Variants in BBX observed in about 807,000 individuals in gnomAD.
The protein encoded by BBX is HMG box transcription factor BBX.
BBX carries 30 observed loss-of-function variants against 100.2 expected under a neutral mutation model. The observed-to-expected ratio is 0.30, with a 90% CI of 0.22 to 0.41. The LOEUF (loss-of-function observed/expected upper bound fraction) is 0.41. Ranked by LOEUF, BBX falls within the 10% of genes least tolerant of loss-of-function variation. The pLI is 1.00. For synonymous variants in BBX, 376 were observed against 388.1 expected (o/e 0.97, Z 0.37); for missense variants, 1,023 against 1,129.8 (o/e 0.91, Z 1.35).
chr3:107,694,644 G>T lies in BBX; in HGVS notation c.-9-15808G>T, dbSNP rs868228862. On this transcript the variant is annotated intron_variant, in intron 3 of 17. Transcript: ENST00000325805. Reference sequence around the variant, plus strand: ...GCATCAATGTTCATCAAGGATATTGGTCTAAAATTCTCTTTTTTGGTTGTG... The same window carrying T: ...GCATCAATGTTCATCAAGGATATTGTTCTAAAATTCTCTTTTTTGGTTGTG... Among the ~76,000 whole-genome samples, 537 of 149,846 alleles carry T rather than the reference G, an allele frequency of 3.6e-3. 7 individuals are homozygous for T. The highest frequency in any genetic ancestry group is 0.012 in the African/African-American group (492 of 40,344).
chr3:107,688,498 A>G (rs1432690030), intron 3 of BBX, among the ~76,000 whole-genome samples: 2 of 152,198 alleles, frequency 1.3e-5, no homozygotes, highest in African/African-American at 2.4e-5. Flanking sequence ...GGGGTTAATA[A>G]TGGGACAAAT....
intron 2 of BBX, among the ~76,000 whole-genome samples, chr3:107,616,005 C>CTTTTTTTTTTTTTTTTTTTTTTT (rs59614452): frequency 1.0e-4 from 2 of 19,218 alleles, no homozygotes; most frequent in African/African-American, 5.1e-4. Flanking sequence ...TACTCACCTG[C>CTTTTTTTTTTTTTTTTTTTTTTT]TTTTTTTTTT....
At chr3:107,753,493 G>A (rs2065233361) in intron 9 of BBX, among the ~76,000 whole-genome samples, 1 of 152,120 alleles carries the variant, frequency 6.6e-6, no homozygotes, top group African/African-American at 2.4e-5. Flanking sequence ...TCCTCCCAGA[G>A]GCAATAAGGA....
intron 1 of BBX, among the ~76,000 whole-genome samples, chr3:107,524,803 G>C (rs1157104507): frequency 1.5e-4 from 10 of 68,310 alleles, no homozygotes; most frequent in Non-Finnish European, 2.5e-4. Context: ...GGGTGGAGGT[G>C]GGGGGGGGGG....
At chr3:107,666,279 A>G (rs1296943061) in intron 3 of BBX, among the ~76,000 whole-genome samples, 3 of 152,226 alleles carry the variant, frequency 2.0e-5, no homozygotes, top group African/African-American at 7.2e-5. Flanking sequence ...GGTCAGGTAT[A>G]GACTCTTCCT....
chr3:107,687,986 C>T (rs1367716628), intron 3 of BBX, among the ~76,000 whole-genome samples: 3 of 151,920 alleles, frequency 2.0e-5, no homozygotes, highest in Admixed American at 2.0e-4. Flanking sequence ...ACCCGGGAGG[C>T]GGAGGTTGCA....
intron 4 of BBX, among the ~76,000 whole-genome samples, chr3:107,716,102 A>C (rs2062083517): frequency 6.6e-6 from 1 of 152,174 alleles, no homozygotes; most frequent in Non-Finnish European, 1.5e-5. Context: ...AAATAGTCTC[A>C]TATTATTAGT....
At chr3:107,659,850 C>A in intron 3 of BBX, 1 of 866,200 alleles carries the variant, frequency 1.2e-6, no homozygotes, top group Non-Finnish European at 1.6e-6. Context: ...CAGTTCCTAG[C>A]AAGAGGTTTA....
chr3:107,624,050 C>T (rs1214185457), intron 2 of BBX, among the ~76,000 whole-genome samples: 1 of 152,168 alleles, frequency 6.6e-6, no homozygotes, highest in Non-Finnish European at 1.5e-5. Context: ...AAGCATCAAT[C>T]TAGGCTCATG....
In BBX at chr3:107,597,764, A is replaced by G. The variant is rs13097929; in HGVS notation, c.-83-48072A>G. 1.7e-4 allele frequency among the ~76,000 whole-genome samples: 26 copies of G among 152,208 alleles called. 1 individual carries two copies. The highest frequency in any genetic ancestry group is 1.6e-3 in the Admixed American group (24 of 15,280). On this transcript the variant is annotated intron_variant, in intron 2 of 17. Coordinates refer to ENST00000325805, the MANE Select transcript of BBX (RefSeq NM_001142568.3). ...GGCAAAGCCACCTGAGTGGCAAAAG[A>G]AGAGTGATTGATTAGGGCCATTCAC...
chr3:107,676,879 G>C (rs541070605), intron 3 of BBX, among the ~76,000 whole-genome samples: 1 of 152,186 alleles, frequency 6.6e-6, no homozygotes, highest in Non-Finnish European at 1.5e-5. Context: ...ATGTAAGCAA[G>C]CAGAGAAATT....
rs2057485301 is a variant in BBX, at chr3:107,645,839, C to T, written c.-80C>T. The T allele has an allele frequency of 6.6e-6, 1 of 152,568 alleles. No homozygotes were observed. The highest frequency in any genetic ancestry group is 2.1e-4 in the South Asian group (1 of 4,832). 9.5% of individuals were successfully genotyped at this position (152,568 alleles called of 1,614,324 possible). ...CTTTTCTATGGGTCCTTCACAGAAT[C>T]CTGCTGCATCACAGAAGCTGGAAGT... On this transcript the variant is annotated 5_prime_UTR_variant, in exon 3 of 18. Transcript: ENST00000325805.
At chr3:107,756,620 G>C (rs1038514941) in intron 10 of BBX, among the ~76,000 whole-genome samples, 2 of 151,802 alleles carry the variant, frequency 1.3e-5, no homozygotes, top group African/African-American at 4.8e-5. Flanking sequence ...TTTAAATTAG[G>C]TTTTTAAAGA....
intron 1 of BBX, among the ~76,000 whole-genome samples, chr3:107,526,049 T>C (rs1317318291): frequency 1.3e-5 from 2 of 152,182 alleles, no homozygotes; most frequent in Non-Finnish European, 2.9e-5. Context: ...AACTTTCTGC[T>C]TTGTACATGT....
chr3:107,774,335 A>T (rs536448938), intron 11 of BBX, among the ~76,000 whole-genome samples: 2 of 152,272 alleles, frequency 1.3e-5, no homozygotes, highest in Admixed American at 1.3e-4. Flanking sequence ...CCAAATGAAG[A>T]TACTTGGGCC....
intron 10 of BBX, among the ~76,000 whole-genome samples, chr3:107,765,234 G>A (rs563891284): frequency 6.6e-6 from 1 of 152,246 alleles, no homozygotes; most frequent in Admixed American, 6.5e-5. Context: ...TCTGTACTAG[G>A]CACTATTTTA....
intron 2 of BBX, among the ~76,000 whole-genome samples, chr3:107,576,678 T>G (rs751766968): frequency 6.6e-5 from 10 of 151,992 alleles, no homozygotes; most frequent in Non-Finnish European, 1.3e-4. Context: ...CTCAATATTT[T>G]TTAGATACAA....
At chr3:107,640,290 C>G (rs923000049) in intron 2 of BBX, among the ~76,000 whole-genome samples, 2 of 152,154 alleles carry the variant, frequency 1.3e-5, no homozygotes, top group African/African-American at 2.4e-5. Flanking sequence ...CTCATTTGCC[C>G]ACATTTCATG....
chr3:107,785,597 G>A (rs1225053534), intron 13 of BBX, among the ~76,000 whole-genome samples: 1 of 151,672 alleles, frequency 6.6e-6, no homozygotes, highest in Non-Finnish European at 1.5e-5. Context: ...CATCCCAATA[G>A]ATCTAGGAAA....
Sources: gnomAD v4.1 joint callset for allele counts (sites outside exome capture counted in the v4.1 genomes callset) on GRCh38, gnomAD v4.1.1 for gene constraint, MANE v1.5 for transcripts, NCBI Gene and HGNC (gene_info 2026-07-23, HGNC 2026-07-21) for gene names.